Variants in CEP85L observed in about 807,000 individuals in gnomAD.
The protein encoded by CEP85L is centrosomal protein of 85 kDa-like.
A neutral mutation model predicts 100.3 loss-of-function variants in CEP85L; 60 were observed. That is an observed-to-expected ratio of 0.60 (90% CI 0.49 to 0.74). CEP85L has a LOEUF of 0.74. CEP85L is among the 30% of genes least tolerant of loss of function. The probability of loss-of-function intolerance (pLI) is 0.00; values close to 1 mark genes in which losing one functional copy is unlikely to be tolerated. For synonymous variants in CEP85L, 319 were observed against 322.7 expected, an observed-to-expected ratio of 0.99 and a Z score of 0.12; for missense variants, 973 against 936.2, an observed-to-expected ratio of 1.04 and a Z score of -0.51.
intron 4 of CEP85L, 59 bp downstream of exon 4, chr6:118,523,743 G>A: frequency 2.6e-6 from 2 of 780,036 alleles, no homozygotes; most frequent in South Asian, 1.7e-5. Context: ...AAAGTTAATT[G>A]TTTCATTAAT....
rs1773969540 is a variant in CEP85L at position 118,483,770 on chromosome 6, T to C, written c.1526A>G (p.Glu509Gly). Residue 509 changes from glutamate (E) to glycine (G), a missense_variant, in exon 7 of 13, where the codon GAG becomes GGG. By Grantham distance (98) the Glu-to-Gly change is moderately conservative. Transcript: ENST00000368491. ...ATCAGCCAGATACTTTTCCAAGGTC[T>C]CAATTCTTCTCTGCTTTTCTTTGTT... Reference protein sequence around the residue: ...EQNKEKQRRIETLEKYLADLP... With the variant: ...EQNKEKQRRIGTLEKYLADLP... The C allele has an allele frequency of 6.2e-7, 1 of 1,613,862 alleles. No homozygotes were observed. The highest frequency in any genetic ancestry group is 1.3e-5 in the African/African-American group (1 of 75,052).
intron 6 of CEP85L, among the ~76,000 whole-genome samples, chr6:118,489,455 A>G (rs1260417511): frequency 2.0e-5 from 3 of 152,188 alleles, no homozygotes; most frequent in Non-Finnish European, 2.9e-5. Context: ...TGGTATATGA[A>G]AGGGATTGGC....
At chr6:118,647,341 T>C (rs917106030) in intron 1 of CEP85L, among the ~76,000 whole-genome samples, 1 of 152,220 alleles carries the variant, frequency 6.6e-6, no homozygotes, top group Admixed American at 6.5e-5. Context: ...CAAAATGTTT[T>C]AAGAGTTGAA....
Position 118,565,866 on chromosome 6 carries a change from C to A in CEP85L, c.683G>T (p.Cys228Phe), listed in dbSNP as rs1391151247. ...INKKRSSTLDCKYKFESCSKE... is the reference protein window; with the variant it reads ...INKKRSSTLDFKYKFESCSKE... ...GCTACAGCTCTCAAATTTATACTTG[C>A]AGTCCAGAGTTGATGACCGTTTTTT... The change falls in exon 3 of 13, where the codon TGC becomes TTC. Residue 228 changes from cysteine (C) to phenylalanine (F), a missense_variant. Transcript: ENST00000368491. The A allele has an allele frequency of 1.4e-5, 23 of 1,614,048 alleles. No homozygotes were observed. The highest frequency in any genetic ancestry group is 1.9e-5 in the Non-Finnish European group (23 of 1,180,022).
intron 1 of CEP85L, among the ~76,000 whole-genome samples, chr6:118,648,186 G>A (rs999744990): frequency 6.6e-6 from 1 of 152,128 alleles, no homozygotes; most frequent in Non-Finnish European, 1.5e-5. Context: ...ACCGGGAGGC[G>A]GAAGTTGCAG....
At chr6:118,477,077 GTC>G (rs148771687) in intron 10 of CEP85L, among the ~76,000 whole-genome samples, 1,981 of 152,190 alleles carry the variant, frequency 0.013, 46 homozygotes, top group African/African-American at 0.045. Context: ...ACCGCAAAAT[GTC>G]TTTATATACT....
chr6:118,629,344 C>A (rs1773996946), intron 2 of CEP85L, among the ~76,000 whole-genome samples: 3 of 152,198 alleles, frequency 2.0e-5, no homozygotes, highest in African/African-American at 7.2e-5. Context: ...AGAAAACTAA[C>A]AACCCAATTA....
chr6:118,648,508 G>A (rs777700143), intron 1 of CEP85L, among the ~76,000 whole-genome samples: 5 of 152,072 alleles, frequency 3.3e-5, no homozygotes, highest in Non-Finnish European at 5.9e-5. Context: ...TTGGGAGGCC[G>A]AGGCAGGAGG....
Position 118,565,777 on chromosome 6 carries a change from C to T in CEP85L, c.772G>A (p.Ala258Thr). The T allele has an allele frequency of 6.2e-7, 1 of 1,614,126 alleles. No homozygotes were observed. The highest frequency in any genetic ancestry group is 8.5e-7 in the Non-Finnish European group (1 of 1,180,012). Residue 258 changes from alanine to threonine, a missense_variant, in exon 3 of 13, where the codon GCC becomes ACC. By Grantham distance (58) the Ala-to-Thr change is moderately conservative (BLOSUM62 0). Around this residue, in one of 3 missense-constraint regions of CEP85L, gnomAD observed 890 missense variants for 844.5 expected, o/e 1.05. Transcript: ENST00000368491. ...ATAATGGGCTTGCTTTCAGGTAAGG[C>T]ACTATATGTCATGTCTACAGGCTGT... ...RRQPVDMTYS[A>T]LPESKPIMTS...
intron 1 of CEP85L, among the ~76,000 whole-genome samples, chr6:118,684,943 C>T (rs1168582105): frequency 1.3e-5 from 2 of 152,172 alleles, no homozygotes; most frequent in East Asian, 1.9e-4. Flanking sequence ...TGAAGCACCG[C>T]GCCTGGCCCC....
At chr6:118,473,602 A>G (rs1224610083) in intron 10 of CEP85L, among the ~76,000 whole-genome samples, 4 of 152,210 alleles carry the variant, frequency 2.6e-5, no homozygotes, top group African/African-American at 9.6e-5. Flanking sequence ...AGTTCTGAGC[A>G]GAGACATGAT....
chr6:118,519,450 GT>G, intron 4 of CEP85L, among the ~76,000 whole-genome samples: 1 of 66,118 alleles, frequency 1.5e-5, no homozygotes, highest in African/African-American at 5.8e-5. Context: ...GTGTGTGTGT[GT>G]GTGTGTGTGT....
chr6:118,680,493 G>A (rs1776623458), intron 1 of CEP85L, among the ~76,000 whole-genome samples: 2 of 152,074 alleles, frequency 1.3e-5, no homozygotes, highest in African/African-American at 4.8e-5. Flanking sequence ...GGACTGACAT[G>A]TGTACTCAGA....
At chr6:118,571,019 T>A (rs1779855869) in intron 2 of CEP85L, among the ~76,000 whole-genome samples, 1 of 151,956 alleles carries the variant, frequency 6.6e-6, no homozygotes, top group Non-Finnish European at 1.5e-5. Context: ...AGAATTAAAA[T>A]TTTTAAATTA....
chr6:118,635,397 C>T (rs1375045943), intron 1 of CEP85L, among the ~76,000 whole-genome samples: 1 of 152,036 alleles, frequency 6.6e-6, no homozygotes, highest in African/African-American at 2.4e-5. Context: ...TGTACATTTA[C>T]ATACATGGAA....
rs1280200428 is a variant in CEP85L at position 118,461,800 on chromosome 6, T to G, written c.*3605A>C. On this transcript the variant is annotated 3_prime_UTR_variant, in exon 13 of 13. Transcript: ENST00000368491. ...GGAAACATGGCAGTTTCAAATGATA[T>G]AGTCTGAGTGAGCATGGTTATGAAA... 1 of 152,078 alleles carries G rather than the reference T, an allele frequency of 6.6e-6. No homozygotes were observed. Among genetic ancestry groups the G allele is most frequent in the Non-Finnish European group, 1.5e-5 (1 of 67,922 alleles). 9.4% of individuals were successfully genotyped at this position (152,078 alleles called of 1,614,324 possible).
intron 11 of CEP85L, 66 bp from the exon 12 acceptor site, chr6:118,469,369 G>A: frequency 8.0e-7 from 1 of 1,245,050 alleles, no homozygotes; most frequent in Non-Finnish European, 1.2e-6. Context: ...AAGCCATACA[G>A]GTTAACATTC....
intron 2 of CEP85L, among the ~76,000 whole-genome samples, chr6:118,605,215 G>A (rs1235317267): frequency 6.6e-6 from 1 of 152,148 alleles, no homozygotes; most frequent in Non-Finnish European, 1.5e-5. Flanking sequence ...ATCCCCAAAA[G>A]GAGGGAAATA....
chr6:118,589,719 C>A (rs1781073456), intron 2 of CEP85L: 2 of 251,680 alleles, frequency 7.9e-6, no homozygotes, highest in South Asian at 1.1e-4. Flanking sequence ...TGGCTGCGAA[C>A]CCCTCATCAT....
Sources: gnomAD v4.1 joint callset for allele counts (sites outside exome capture counted in the v4.1 genomes callset) on GRCh38, gnomAD v4.1.1 for gene constraint, gnomAD v4.1.1 regional missense constraint, MANE v1.5 for transcripts, NCBI Gene and HGNC (gene_info 2026-07-23, HGNC 2026-07-21) for gene names.